Variants in EPS8 observed in about 807,000 individuals in gnomAD.
The protein encoded by EPS8 is epidermal growth factor receptor kinase substrate 8.
In EPS8, 42 loss-of-function variants were observed where a neutral mutation model predicts 103.8. The ratio of observed to expected loss-of-function variants is 0.40; its 90% CI spans 0.32 to 0.52. The LOEUF (loss-of-function observed/expected upper bound fraction) is 0.52. Among genes scored for constraint, EPS8 ranks in the 20% least tolerant of loss-of-function variants. The probability of loss-of-function intolerance (pLI) is 0.40; values close to 1 mark genes in which losing one functional copy is unlikely to be tolerated. For missense variants in EPS8, 969 were observed against 1,005.1 expected (o/e 0.96, Z 0.49); for synonymous variants, 344 against 344.6 (o/e 1.00, Z 0.02).
chr12:15,774,486 C>T (rs1212918728), intron 1 of EPS8, among the ~76,000 whole-genome samples: 2 of 151,262 alleles, frequency 1.3e-5, no homozygotes, highest in Non-Finnish European at 2.9e-5. Flanking sequence ...ATGACTTCTT[C>T]CTCCCTGTTA....
Position 15,700,994 on chromosome 12 carries a change from G to T in EPS8, c.-21-18022C>A, listed in dbSNP as rs1489726590. 6.6e-6 allele frequency among the ~76,000 whole-genome samples: 1 copy of T among 152,036 alleles called. No individual in the cohort carries two copies. Among genetic ancestry groups the T allele is most frequent in the Admixed American group, 6.6e-5 (1 of 15,210 alleles). The stretch of plus-strand genomic sequence containing the variant: ...AATAGTCAAAAATTGGTAATGTAAG[G>T]TATATTATAAAGAATAAACTACTAC... On this transcript the variant is annotated intron_variant, in intron 1 of 20. Coordinates refer to ENST00000281172, the MANE Select transcript of EPS8 (RefSeq NM_004447.6). The surrounding 1 kb of genome is among the most constrained non-coding windows in gnomAD (Gnocchi z 5.1).
chr12:15,656,377 T>A (rs1945507980), intron 12 of EPS8, among the ~76,000 whole-genome samples: 1 of 152,240 alleles, frequency 6.6e-6, no homozygotes, highest in African/African-American at 2.4e-5. Context: ...AGAAATCTGA[T>A]GCTCCATATA....
intron 20 of EPS8, among the ~76,000 whole-genome samples, chr12:15,622,594 G>C (rs1229720515): frequency 6.6e-6 from 1 of 152,092 alleles, no homozygotes; most frequent in African/African-American, 2.4e-5. Context: ...GGAAGCTTAA[G>C]TATAAAGCAA....
At chr12:15,645,478 C>G (rs183282711) in intron 15 of EPS8, among the ~76,000 whole-genome samples, 5 of 152,144 alleles carry the variant, frequency 3.3e-5, no homozygotes, top group Admixed American at 2.6e-4. Context: ...AATAATACCA[C>G]TTTAACTACA....
intron 1 of EPS8, among the ~76,000 whole-genome samples, chr12:15,687,360 G>T (rs547596628): frequency 3.9e-5 from 6 of 152,182 alleles, no homozygotes; most frequent in African/African-American, 1.4e-4. Flanking sequence ...TGCCTGTGAA[G>T]GTATCACAAT....
intron 1 of EPS8, among the ~76,000 whole-genome samples, chr12:15,687,122 A>T (rs1013985140): frequency 2.0e-5 from 3 of 151,322 alleles, no homozygotes; most frequent in Non-Finnish European, 3.0e-5. Context: ...TCAAACATTA[A>T]AAAAAAAATC....
At chr12:15,644,575 G>GT (rs1023480885) in intron 15 of EPS8, among the ~76,000 whole-genome samples, 1 of 151,972 alleles carries the variant, frequency 6.6e-6, no homozygotes, top group African/African-American at 2.4e-5. Context: ...GCGGGCACCT[G>GT]TAGTCCCAGC....
At chr12:15,634,867 A>T in intron 17 of EPS8, 1 of 395,304 alleles carries the variant, frequency 2.5e-6, no homozygotes, top group Non-Finnish European at 4.5e-6. Flanking sequence ...GAAAGAGTAA[A>T]TTAGCCTGAC....
chr12:15,735,106 CAA>C lies in EPS8; in HGVS notation c.-21-52136_-21-52135del, dbSNP rs1434661074. ...AGTATTCCCAGGTACATGCAAATGACAAAGTTTCCAAAGAAACAGTAGACTGA... is the reference window on the plus strand; with the variant it reads ...AGTATTCCCAGGTACATGCAAATGACAGTTTCCAAAGAAACAGTAGACTGA... On this transcript the variant is annotated intron_variant, in intron 1 of 20. Transcript: ENST00000281172. The surrounding 1 kb of genome is among the most constrained non-coding windows in gnomAD (Gnocchi z 4.4). 2.0e-5 allele frequency among the ~76,000 whole-genome samples: 3 copies of C among 152,206 alleles called. No homozygotes were observed. Among genetic ancestry groups the C allele is most frequent in the East Asian group, 3.9e-4 (2 of 5,176 alleles).
At chr12:15,661,928 TA>T in intron 9 of EPS8, 97 bp downstream of exon 9, 1 of 879,162 alleles carries the variant, frequency 1.1e-6, no homozygotes, top group Non-Finnish European at 1.8e-6. Flanking sequence ...ATGGTTTCCA[TA>T]AAATATCTCT....
rs553879581 is a variant in EPS8 at position 15,621,068 on chromosome 12, A to G, written c.*249T>C. On this transcript the variant is annotated 3_prime_UTR_variant, in exon 21 of 21. Coordinates refer to ENST00000281172, the MANE Select transcript of EPS8 (RefSeq NM_004447.6). ...GATAAAATAATTAGTCTAATTAAGG[A>G]AACTTCACCTTGGTAAAGTAAGAAA... 1 of 367,604 alleles carries G rather than the reference A, an allele frequency of 2.7e-6. No individual in the cohort carries two copies. The highest frequency in any genetic ancestry group is 6.1e-5 in the South Asian group (1 of 16,510). 22.8% of individuals were successfully genotyped at this position (367,604 alleles called of 1,614,324 possible).
chr12:15,668,335 C>T (rs1945753548), intron 6 of EPS8, among the ~76,000 whole-genome samples: 1 of 152,072 alleles, frequency 6.6e-6, no homozygotes. Flanking sequence ...TGTCAAAAAA[C>T]ACAGAAAAGA....
chr12:15,642,946 AG>A (rs1229293090), intron 15 of EPS8, among the ~76,000 whole-genome samples: 1 of 152,230 alleles, frequency 6.6e-6, no homozygotes, highest in African/African-American at 2.4e-5. Context: ...ATGTAAGAAC[AG>A]CTTATTGGCT....
rs188987680 is a variant in EPS8 at position 15,738,566 on chromosome 12, A to G, written c.-22+50595T>C. ...ACATTCTTAGCCCTGAAGATAAAAT[A>G]TTAACAAAGAACAACTTCCTTCCAA... On this transcript the variant is annotated intron_variant, in intron 1 of 20. Coordinates refer to ENST00000281172, the MANE Select transcript of EPS8 (RefSeq NM_004447.6). The surrounding 1 kb of genome is among the most constrained non-coding windows in gnomAD (Gnocchi z 6.2). Among the ~76,000 whole-genome samples, 3 of 152,322 alleles carry G rather than the reference A, an allele frequency of 2.0e-5. No homozygotes were observed. The East Asian group carries it at 5.8e-4, about 29-fold the overall frequency.
chr12:15,747,435 A>G lies in EPS8; in HGVS notation c.-22+41726T>C, dbSNP rs1946886319. On this transcript the variant is annotated intron_variant, in intron 1 of 20. Transcript: ENST00000281172. This position sits in a 1 kb window ranked among gnomAD's most constrained non-coding sequence, Gnocchi z 4.4. ...TCTGTTTTTCAAACCAAAATGCACT[A>G]TTTTAGGAGCAGCTGGTTAGTTCCA... Among the ~76,000 whole-genome samples the G allele has an allele frequency of 6.6e-6, 1 of 152,204 alleles. No individual in the cohort carries two copies. The highest frequency in any genetic ancestry group is 1.5e-5 in the Non-Finnish European group (1 of 68,034).
chr12:15,721,877 T>C lies in EPS8; in HGVS notation c.-21-38905A>G, dbSNP rs977366546. 6.6e-6 allele frequency among the ~76,000 whole-genome samples: 1 copy of C among 151,768 alleles called. No homozygotes were observed. Among genetic ancestry groups the C allele is most frequent in the Admixed American group, 6.6e-5 (1 of 15,224 alleles). On this transcript the variant is annotated intron_variant, in intron 1 of 20. Coordinates refer to ENST00000281172, the MANE Select transcript of EPS8 (RefSeq NM_004447.6). The surrounding 1 kb of genome is among the most constrained non-coding windows in gnomAD (Gnocchi z 4.4). ...GGCAGAAAGTTAGAACATACAAAAC[T>C]ATTTTAAGAACAAAAATCATGAGTC...
chr12:15,759,854 C>T lies in EPS8; in HGVS notation c.-22+29307G>A, dbSNP rs1947023127. Among the ~76,000 whole-genome samples, 1 of 151,708 alleles carries T rather than the reference C, an allele frequency of 6.6e-6. No individual in the cohort carries two copies. Among genetic ancestry groups the T allele is most frequent in the African/African-American group, 2.4e-5 (1 of 41,352 alleles). ...GAAAGTTTATAGCTATAAGTGCCTA[C>T]ATCAAAAAAGAAGAAAAACTTCAAA... On this transcript the variant is annotated intron_variant, in intron 1 of 20. Coordinates refer to ENST00000281172, the MANE Select transcript of EPS8 (RefSeq NM_004447.6). This position sits in a 1 kb window ranked among gnomAD's most constrained non-coding sequence, Gnocchi z 4.9.
chr12:15,622,557 C>T (rs1192794763), intron 20 of EPS8, among the ~76,000 whole-genome samples: 1 of 152,098 alleles, frequency 6.6e-6, no homozygotes, highest in African/African-American at 2.4e-5. Flanking sequence ...CCGTATATAG[C>T]ACATTTTAAG....
At chr12:15,723,514 G>A (rs1946621252) in intron 1 of EPS8, among the ~76,000 whole-genome samples, 1 of 151,886 alleles carries the variant, frequency 6.6e-6, no homozygotes, top group African/African-American at 2.4e-5. Context: ...TATGTATAAG[G>A]TACAAATATG....
Sources: allele counts gnomAD v4.1 joint callset (sites outside exome capture counted in the v4.1 genomes callset), GRCh38; gene constraint gnomAD v4.1.1; non-coding constraint Gnocchi (gnomAD v3.1); transcripts MANE v1.5; gene names NCBI Gene and HGNC (gene_info 2026-07-23, HGNC 2026-07-21).